The following DLG5 variants were observed in gnomAD, a reference collection of about 807,000 sequenced individuals.
The protein encoded by DLG5 is discs large MAGUK scaffold protein 5.
A neutral mutation model predicts 189.8 loss-of-function variants in DLG5; 48 were observed. That is an observed-to-expected ratio of 0.25 (90% CI 0.20 to 0.32). The LOEUF (loss-of-function observed/expected upper bound fraction) is 0.32. Ranked by LOEUF, DLG5 falls within the 10% of genes least tolerant of loss-of-function variation. The pLI is 1.00. For missense variants in DLG5, 2,160 were observed against 2,544.7 expected (o/e 0.85, Z 3.25); for synonymous variants, 1,016 against 1,054.1 (o/e 0.96, Z 0.70).
chr10:77,911,095 C>T (rs1394062328), intron 1 of DLG5, among the ~76,000 whole-genome samples: 1 of 151,278 alleles, frequency 6.6e-6, no homozygotes, highest in Non-Finnish European at 1.5e-5. Flanking sequence ...CTGAAAAGGC[C>T]ACTATATATT....
At chr10:77,854,095 T>C (rs892681600) in intron 4 of DLG5, 132 bp downstream of exon 4, 1 of 1,189,552 alleles carries the variant, frequency 8.4e-7, no homozygotes, top group Non-Finnish European at 1.2e-6. Flanking sequence ...CCACCTGCTG[T>C]AGGCAGACTG....
chr10:77,862,004 T>G (rs934501729), intron 2 of DLG5, among the ~76,000 whole-genome samples: 1 of 151,980 alleles, frequency 6.6e-6, no homozygotes, highest in Non-Finnish European at 1.5e-5. Flanking sequence ...GGGGACCTCA[T>G]GACCAATCTC....
chr10:77,804,058 T>A (rs1841351289), intron 27 of DLG5, among the ~76,000 whole-genome samples: 1 of 151,982 alleles, frequency 6.6e-6, no homozygotes. Flanking sequence ...ACCAGGCTAA[T>A]TTTTGTATTT....
intron 14 of DLG5, among the ~76,000 whole-genome samples, chr10:77,822,599 C>T (rs1021412707): frequency 6.6e-6 from 1 of 152,096 alleles, no homozygotes; most frequent in Non-Finnish European, 1.5e-5. Context: ...ACTAAGATCA[C>T]GCCACTGCAC....
chr10:77,822,105 G>A lies in DLG5; in HGVS notation c.2383-4C>T. 3 of 1,608,202 alleles carry A rather than the reference G, an allele frequency of 1.9e-6. No individual in the cohort carries two copies. In the South Asian group the frequency reaches 3.3e-5, roughly 18 times the overall value. ...ACGAGGAGCTCTGAGGGAATACCTA[G>A]GCAGGGATTGCAGAGGAGTGAGAGA... On this transcript the variant is annotated splice_polypyrimidine_tract_variant and splice_region_variant and intron_variant, in intron 14 of 31. Coordinates refer to ENST00000372391, the MANE Select transcript of DLG5 (RefSeq NM_004747.4).
intron 5 of DLG5, among the ~76,000 whole-genome samples, chr10:77,851,361 C>A (rs1843966871): frequency 6.6e-6 from 1 of 152,182 alleles, no homozygotes; most frequent in South Asian, 2.1e-4. Flanking sequence ...CAGTACTGAC[C>A]AGAGCTAGCA....
intron 1 of DLG5, among the ~76,000 whole-genome samples, chr10:77,871,489 T>G (rs1844895666): frequency 6.6e-6 from 1 of 150,986 alleles, no homozygotes; most frequent in African/African-American, 2.4e-5. Context: ...TTGCTGTACA[T>G]TCAATATCTC....
chr10:77,932,840 C>G, the DLG5 span, among the ~76,000 whole-genome samples: 1 of 152,208 alleles, frequency 6.6e-6, no homozygotes, highest in Non-Finnish European at 1.5e-5. Flanking sequence ...CTACCAGGCC[C>G]CACTGCTCTT....
At chr10:77,923,922 G>C (rs896062016) in intron 1 of DLG5, among the ~76,000 whole-genome samples, 1 of 151,988 alleles carries the variant, frequency 6.6e-6, no homozygotes, top group Non-Finnish European at 1.5e-5. Flanking sequence ...TGGAATCCAA[G>C]GGCACCATGT....
chr10:77,864,586 C>G (rs765851339), intron 2 of DLG5, among the ~76,000 whole-genome samples: 1 of 152,244 alleles, frequency 6.6e-6, no homozygotes, highest in Non-Finnish European at 1.5e-5. Context: ...CACCCAGACC[C>G]ACTGAATCAG....
intron 16 of DLG5, 32 bp downstream of exon 16, chr10:77,819,863 C>T: frequency 6.6e-7 from 1 of 1,525,624 alleles, no homozygotes. Context: ...TTACACCGAC[C>T]CTCAGCCCCA....
At chr10:77,846,322 C>T (rs570962841) in intron 5 of DLG5, among the ~76,000 whole-genome samples, 4 of 152,356 alleles carry the variant, frequency 2.6e-5, no homozygotes, top group South Asian at 2.1e-4. Context: ...GGTCAACCAA[C>T]GCCTTCTACC....
At chr10:77,874,284 G>C (rs571432157) in intron 1 of DLG5, among the ~76,000 whole-genome samples, 4 of 152,344 alleles carry the variant, frequency 2.6e-5, no homozygotes, top group African/African-American at 9.6e-5. Context: ...CCCCTTATGA[G>C]CTGTGTGCTG....
rs149797176 is a variant in DLG5 at position 77,805,844 on chromosome 10, G to C, written c.4985C>G (p.Ser1662Cys). Residue 1662 changes from serine to cysteine, a missense_variant, in exon 27 of 32, where the codon TCC becomes TGC. This residue lies in a region of DLG5 where 574 missense variants were observed against 644.2 expected (regional missense o/e 0.89). Coordinates refer to ENST00000372391, the MANE Select transcript of DLG5 (RefSeq NM_004747.4). ...GACTTCAGACATGCTGAGCCTCCTGGAGAATTCTTGGTCCATCCTGTGGCA... is the reference window on the plus strand; with the variant it reads ...GACTTCAGACATGCTGAGCCTCCTGCAGAATTCTTGGTCCATCCTGTGGCA... ...PSKYVMDQEFSRRLSMSEVKD... is the reference protein window; with the variant it reads ...PSKYVMDQEFCRRLSMSEVKD... The C allele has an allele frequency of 4.8e-5, 78 of 1,613,334 alleles. 1 individual carries two copies. The highest frequency in any genetic ancestry group is 6.7e-5 in the Admixed American group (4 of 59,978).
chr10:77,856,846 C>A lies in DLG5; in HGVS notation c.420G>T (p.Gln140His), dbSNP rs1174778886. 1.9e-6 allele frequency: 3 copies of A among 1,612,806 alleles called. No individual in the cohort carries two copies. Among genetic ancestry groups the A allele is most frequent in the African/African-American group, 2.7e-5 (2 of 74,898 alleles). The change falls in exon 3 of 32, where the codon CAG becomes CAT. Residue 140 changes from glutamine to histidine, a missense_variant. By Grantham distance (24) the Gln-to-His change is conservative (BLOSUM62 0). This residue lies in a region of DLG5 where 664 missense variants were observed against 838.5 expected (regional missense o/e 0.79). Transcript: ENST00000372391. ...GGTTCTCCACCTTCTCATTCACTTG[C>A]TGGTCAGTGAGGAGGGGTGGTGGGG... ...APSPPPLLTD[Q>H]QVNEKVENLS...
At position 77,809,692 on chromosome 10, in the gene DLG5, C is replaced by T. The variant is rs771310206; in HGVS notation, c.4502G>A (p.Arg1501His). 12 of 1,614,060 alleles carry T rather than the reference C, an allele frequency of 7.4e-6. No homozygotes were observed. Among genetic ancestry groups the T allele is most frequent in the African/African-American group, 1.3e-5 (1 of 75,052 alleles). Residue 1501 changes from arginine to histidine, a missense_variant, in exon 24 of 32, where the codon CGC (arginine) becomes CAC (histidine). Physicochemically the swap from Arg to His is conservative, Grantham distance 29. Coordinates refer to ENST00000372391, the MANE Select transcript of DLG5 (RefSeq NM_004747.4). ...GDANKKTLEP[R>H]VVFIKKSQLE... Reference sequence around the variant, plus strand: ...CTGGGACTTTTTGATGAAGACAACGCGTGGCTCCAGGGTCTTCTTGTTGGC... The same window carrying T: ...CTGGGACTTTTTGATGAAGACAACGTGTGGCTCCAGGGTCTTCTTGTTGGC...
intron 2 of DLG5, among the ~76,000 whole-genome samples, chr10:77,857,901 A>G (rs1844314058): frequency 6.6e-6 from 1 of 152,230 alleles, no homozygotes; most frequent in Non-Finnish European, 1.5e-5. Flanking sequence ...CACTGGACCC[A>G]CAACGCACAA....
At chr10:77,925,241 C>T (rs1393997964) in intron 1 of DLG5, among the ~76,000 whole-genome samples, 1 of 152,186 alleles carries the variant, frequency 6.6e-6, no homozygotes, top group Non-Finnish European at 1.5e-5. Context: ...CAAAGAATAA[C>T]AGAAAGCTCA....
Position 77,888,743 on chromosome 10 carries a change from G to C in DLG5, c.305-19546C>G, listed in dbSNP as rs569408073. On this transcript the variant is annotated intron_variant, in intron 1 of 31. Transcript: ENST00000372391. Reference sequence around the variant, plus strand: ...CCCATTAAGGACCATCCCAAACCCCGTTAATATGTACATGTTCCTCTCAAG... The same window carrying C: ...CCCATTAAGGACCATCCCAAACCCCCTTAATATGTACATGTTCCTCTCAAG... Among the ~76,000 whole-genome samples, 47 of 152,220 alleles carry C rather than the reference G, an allele frequency of 3.1e-4. 1 individual carries two copies. In the South Asian group the frequency reaches 7.3e-3, roughly 24 times the overall value.
Sources: allele counts gnomAD v4.1 joint callset (sites outside exome capture counted in the v4.1 genomes callset), GRCh38; gene constraint gnomAD v4.1.1; regional missense constraint gnomAD v4.1.1; transcripts MANE v1.5; gene names NCBI Gene and HGNC (gene_info 2026-07-23, HGNC 2026-07-21).